The following TMEM108 variants were observed in gnomAD, a reference collection of about 807,000 sequenced individuals.
TMEM108 encodes the protein transmembrane protein 108.
In TMEM108, 12 loss-of-function variants were observed where a neutral mutation model predicts 35.1. That is an observed-to-expected ratio of 0.34 (90% CI 0.22 to 0.55). TMEM108 has a LOEUF of 0.55. Among genes scored for constraint, TMEM108 ranks in the 20% least tolerant of loss-of-function variants. TMEM108 has a pLI of 0.89. For missense variants in TMEM108, 680 were observed against 753.3 expected, an observed-to-expected ratio of 0.90 and a Z score of 1.14; for synonymous variants, 287 against 308.6, an observed-to-expected ratio of 0.93 and a Z score of 0.73.
chr3:133,373,211 C>T (rs895776352), intron 3 of TMEM108, among the ~76,000 whole-genome samples: 1 of 151,940 alleles, frequency 6.6e-6, no homozygotes, highest in African/African-American at 2.4e-5. Flanking sequence ...TAGCTGGGCA[C>T]AGTGGCGTGT....
intron 3 of TMEM108, among the ~76,000 whole-genome samples, chr3:133,337,479 C>G (rs2071533337): frequency 6.6e-6 from 1 of 152,158 alleles, no homozygotes; most frequent in South Asian, 2.1e-4. Context: ...TCTGTAAGAA[C>G]CACAGCGTTA....
chr3:133,338,003 T>G (rs1391445934), intron 3 of TMEM108, among the ~76,000 whole-genome samples: 1 of 151,958 alleles, frequency 6.6e-6, no homozygotes, highest in African/African-American at 2.4e-5. Context: ...AAAATACACG[T>G]CGGAGGAGGC....
Position 133,388,341 on chromosome 3 carries a change from G to A in TMEM108, c.1451-1839G>A, listed in dbSNP as rs919285875. 4 of 983,740 alleles carry A rather than the reference G, an allele frequency of 4.1e-6. No homozygotes were observed. In the African/African-American group the frequency reaches 7.0e-5, roughly 17 times the overall value. The allele number at this position is 983,740 out of a possible 1,614,324, so 60.9% of individuals were successfully genotyped here. The stretch of plus-strand genomic sequence containing the variant: ...TCTGCCACTCACATACCTGTGACCT[G>A]TGGCAAGGCGGCCAGCACTTTAGGC... On this transcript the variant is annotated intron_variant, in intron 4 of 5. Transcript: ENST00000321871.
At chr3:133,082,905 C>T (rs780742578) in intron 2 of TMEM108, among the ~76,000 whole-genome samples, 9 of 152,258 alleles carry the variant, frequency 5.9e-5, no homozygotes, top group Admixed American at 2.6e-4. Context: ...CCTCTTACCT[C>T]GGCCTCCAAA....
At chr3:133,230,072 T>C (rs192401663) in intron 3 of TMEM108, among the ~76,000 whole-genome samples, 188 of 152,304 alleles carry the variant, frequency 1.2e-3, no homozygotes, top group Non-Finnish European at 1.5e-3. Flanking sequence ...CTTAAGACAA[T>C]AGGCATTACC....
chr3:133,087,867 G>A (rs1459388493), intron 2 of TMEM108, among the ~76,000 whole-genome samples: 1 of 152,176 alleles, frequency 6.6e-6, no homozygotes, highest in African/African-American at 2.4e-5. Context: ...TCATCCAGGA[G>A]GGCAGCCTCT....
intron 2 of TMEM108, among the ~76,000 whole-genome samples, chr3:133,191,972 C>G (rs1461845302): frequency 1.3e-5 from 2 of 152,252 alleles, no homozygotes; most frequent in South Asian, 2.1e-4. Context: ...AGTGGCCCAA[C>G]TTCTCAAGAC....
chr3:133,108,143 A>G (rs1228197584), intron 2 of TMEM108, among the ~76,000 whole-genome samples: 1 of 152,156 alleles, frequency 6.6e-6, no homozygotes, highest in Non-Finnish European at 1.5e-5. Flanking sequence ...AGGCAGGAGA[A>G]TCACTTGAAC....
At chr3:133,202,425 G>T (rs1376698606) in intron 2 of TMEM108, among the ~76,000 whole-genome samples, 1 of 152,110 alleles carries the variant, frequency 6.6e-6, no homozygotes, top group Non-Finnish European at 1.5e-5. Flanking sequence ...TATGGTTTTA[G>T]GTCTAAAACT....
intron 2 of TMEM108, among the ~76,000 whole-genome samples, chr3:133,050,949 A>G (rs1334264720): frequency 1.3e-5 from 2 of 151,648 alleles, no homozygotes; most frequent in Non-Finnish European, 1.5e-5. Flanking sequence ...GCAATCATGA[A>G]TAAAGCTGAT....
At chr3:133,344,271 A>C (rs143357305) in intron 3 of TMEM108, among the ~76,000 whole-genome samples, 2 of 152,006 alleles carry the variant, frequency 1.3e-5, no homozygotes, top group East Asian at 3.9e-4. Context: ...CATTAAAGCA[A>C]ACTTACCCTA....
At chr3:133,197,003 A>G (rs1263471901) in intron 2 of TMEM108, among the ~76,000 whole-genome samples, 1 of 152,224 alleles carries the variant, frequency 6.6e-6, no homozygotes, top group Non-Finnish European at 1.5e-5. Context: ...AATTGAGAGA[A>G]TGACTATTAG....
At chr3:133,154,850 T>G (rs1275526373) in intron 2 of TMEM108, among the ~76,000 whole-genome samples, 1 of 151,760 alleles carries the variant, frequency 6.6e-6, no homozygotes, top group Non-Finnish European at 1.5e-5. Context: ...ACTGTAAAAC[T>G]TAAAGTATAA....
At chr3:133,174,827 A>G (rs909118486) in intron 2 of TMEM108, among the ~76,000 whole-genome samples, 1 of 152,238 alleles carries the variant, frequency 6.6e-6, no homozygotes, top group African/African-American at 2.4e-5. Flanking sequence ...CTGGATGGAG[A>G]ATGACTTTGA....
intron 2 of TMEM108, among the ~76,000 whole-genome samples, chr3:133,176,622 G>A (rs1019072579): frequency 2.0e-5 from 3 of 151,528 alleles, no homozygotes; most frequent in East Asian, 3.9e-4. Context: ...AAACCAACGA[G>A]AACAAAGACA....
intron 3 of TMEM108, among the ~76,000 whole-genome samples, chr3:133,242,189 T>C (rs995095695): frequency 1.3e-5 from 2 of 152,318 alleles, no homozygotes; most frequent in Middle Eastern, 6.8e-3. Context: ...AGACCATTTT[T>C]CCCAGTAAGA....
intron 1 of TMEM108, among the ~76,000 whole-genome samples, chr3:133,041,163 G>A (rs1446001890): frequency 6.6e-6 from 1 of 152,194 alleles, no homozygotes; most frequent in South Asian, 2.1e-4. Context: ...CCTTGAGGAG[G>A]CATTTCAAGG....
intron 3 of TMEM108, among the ~76,000 whole-genome samples, chr3:133,241,280 G>A (rs1946308933): frequency 6.6e-6 from 1 of 152,220 alleles, no homozygotes; most frequent in Admixed American, 6.5e-5. Flanking sequence ...CCAAACCTAA[G>A]ATACATTGCC....
intron 2 of TMEM108, among the ~76,000 whole-genome samples, chr3:133,122,717 G>T (rs1944368362): frequency 6.6e-6 from 1 of 151,920 alleles, no homozygotes; most frequent in South Asian, 2.1e-4. Context: ...CAAAAAATTA[G>T]CTCGGTGTGG....
Sources: allele counts gnomAD v4.1 joint callset (sites outside exome capture counted in the v4.1 genomes callset), GRCh38; gene constraint gnomAD v4.1.1; transcripts MANE v1.5; gene names NCBI Gene and HGNC (gene_info 2026-07-23, HGNC 2026-07-21).